Variants in RAD54L2 observed in about 807,000 individuals in gnomAD.
RAD54L2 encodes helicase ARIP4.
In RAD54L2, 27 loss-of-function variants were observed where a neutral mutation model predicts 138.4. The observed-to-expected ratio is 0.20, with a 90% CI of 0.14 to 0.27. The LOEUF (loss-of-function observed/expected upper bound fraction) is 0.27. RAD54L2 is among the 10% of genes least tolerant of loss of function. The probability of loss-of-function intolerance (pLI) is 1.00; values close to 1 mark genes in which losing one functional copy is unlikely to be tolerated. For missense variants in RAD54L2, 1,396 were observed against 1,890.2 expected (o/e 0.74, Z 4.85); for synonymous variants, 644 against 723.2 (o/e 0.89, Z 1.76).
At chr3:51,564,113 A>C (rs1300584432) in intron 2 of RAD54L2, among the ~76,000 whole-genome samples, 1 of 152,152 alleles carries the variant, frequency 6.6e-6, no homozygotes, top group Non-Finnish European at 1.5e-5. Flanking sequence ...AACCCTTCTC[A>C]AGGGTTTGAG....
intron 2 of RAD54L2, among the ~76,000 whole-genome samples, chr3:51,574,017 C>T (rs1369057967): frequency 7.8e-6 from 1 of 128,388 alleles, no homozygotes. Flanking sequence ...CACAATAGGC[C>T]CCGGTGTTTG....
chr3:51,550,011 C>CACAACT (rs1698798435), intron 2 of RAD54L2, among the ~76,000 whole-genome samples: 1 of 152,128 alleles, frequency 6.6e-6, no homozygotes, highest in Non-Finnish European at 1.5e-5. Flanking sequence ...TGTGCCCTGC[C>CACAACT]GGCTATGCTA....
intron 3 of RAD54L2, among the ~76,000 whole-genome samples, chr3:51,602,299 G>GA (rs1344218740): frequency 6.6e-6 from 1 of 152,084 alleles, no homozygotes; most frequent in East Asian, 1.9e-4. Flanking sequence ...ACATCATGGG[G>GA]AAAAAATGGA....
chr3:51,566,716 G>A (rs948889504), intron 2 of RAD54L2, among the ~76,000 whole-genome samples: 2 of 151,896 alleles, frequency 1.3e-5, no homozygotes, highest in Non-Finnish European at 2.9e-5. Flanking sequence ...TTCAGTTTGT[G>A]AGTAAGGCTT....
chr3:51,584,578 G>A (rs534408282), intron 2 of RAD54L2, among the ~76,000 whole-genome samples: 1 of 150,502 alleles, frequency 6.6e-6, no homozygotes, highest in African/African-American at 2.4e-5. Context: ...CAGACTGGAA[G>A]AATTCTGTGG....
intron 2 of RAD54L2, among the ~76,000 whole-genome samples, chr3:51,569,963 G>C (rs1002242202): frequency 1.3e-5 from 2 of 151,516 alleles, no homozygotes; most frequent in African/African-American, 4.9e-5. Context: ...TTCCTGAGTA[G>C]CTGGGTCTAC....
intron 3 of RAD54L2, among the ~76,000 whole-genome samples, chr3:51,625,026 C>A (rs1262197773): frequency 6.6e-6 from 1 of 152,174 alleles, no homozygotes; most frequent in Non-Finnish European, 1.5e-5. Flanking sequence ...TTCATCAAGA[C>A]TTAATGACAG....
At chr3:51,661,961 C>T (rs750527099) in intron 22 of RAD54L2, among the ~76,000 whole-genome samples, 12 of 152,126 alleles carry the variant, frequency 7.9e-5, no homozygotes, top group Non-Finnish European at 1.5e-4. Flanking sequence ...ATAAAATTAC[C>T]TAGTATTCCA....
intron 2 of RAD54L2, among the ~76,000 whole-genome samples, chr3:51,556,023 A>C (rs1698956054): frequency 6.6e-6 from 1 of 152,144 alleles, no homozygotes; most frequent in Admixed American, 6.5e-5. Context: ...GTTCCAATTG[A>C]ATTTTATCTA....
Position 51,646,338 on chromosome 3 carries a change from C to T in RAD54L2, c.2883C>T (p.Thr961=). 1 of 1,608,650 alleles carries T rather than the reference C, an allele frequency of 6.2e-7. No individual in the cohort carries two copies. The highest frequency in any genetic ancestry group is 8.5e-7 in the Non-Finnish European group (1 of 1,177,622). ...LLLNRKDHKL[T]KAEKKAAKKS... ...TGAACCGAAAGGATCACAAGCTAAC[C>T]AAGGCTGAGAAAAAAGCAGCAAAGA... The change falls in exon 19 of 23, where the codon ACC becomes ACT. Residue 961 remains threonine (T), a synonymous_variant. Coordinates refer to ENST00000684192, the MANE Select transcript of RAD54L2 (RefSeq NM_015106.4).
At chr3:51,629,280 A>G in intron 4 of RAD54L2, 54 bp from the exon 5 acceptor site, 1 of 1,533,658 alleles carries the variant, frequency 6.5e-7, no homozygotes, top group Non-Finnish European at 8.8e-7. Context: ...GCTTGCCATT[A>G]CATTGCCCAA....
chr3:51,623,158 T>A (rs749901865), intron 3 of RAD54L2, among the ~76,000 whole-genome samples: 7 of 152,190 alleles, frequency 4.6e-5, no homozygotes, highest in Admixed American at 6.5e-5. Context: ...TAGTCTCACG[T>A]GGAGAGGTTT....
chr3:51,667,594 G>A lies in RAD54L2; in HGVS notation c.*4174G>A, dbSNP rs1322972436. The A allele has an allele frequency of 6.6e-6, 1 of 152,284 alleles. No homozygotes were observed. The highest frequency in any genetic ancestry group is 2.4e-5 in the African/African-American group (1 of 41,430). 9.4% of individuals were successfully genotyped at this position (152,284 alleles called of 1,614,324 possible). The stretch of plus-strand genomic sequence containing the variant: ...TTCCCCAAAAGGACCCCTGGGAGAT[G>A]TTCTGGCCCTCTGCTGACTACTCCC... On this transcript the variant is annotated 3_prime_UTR_variant, in exon 23 of 23. Transcript: ENST00000684192.
At chr3:51,553,421 A>G (rs1245150945) in intron 2 of RAD54L2, among the ~76,000 whole-genome samples, 3 of 152,226 alleles carry the variant, frequency 2.0e-5, no homozygotes, top group Non-Finnish European at 4.4e-5. Context: ...CACATACTGT[A>G]TACAGGCATG....
At chr3:51,560,362 C>CTTT (rs61485263) in intron 2 of RAD54L2, among the ~76,000 whole-genome samples, 5 of 138,708 alleles carry the variant, frequency 3.6e-5, no homozygotes, top group Non-Finnish European at 7.8e-5. Context: ...TCTTTTTTTT[C>CTTT]TTTTTTTTTT....
chr3:51,617,337 G>A (rs1700467671), intron 3 of RAD54L2, among the ~76,000 whole-genome samples: 1 of 152,158 alleles, frequency 6.6e-6, no homozygotes, highest in Non-Finnish European at 1.5e-5. Flanking sequence ...CTTTACTCCT[G>A]CCAGCAGTGT....
At chr3:51,585,583 C>G (rs1251398749) in intron 2 of RAD54L2, among the ~76,000 whole-genome samples, 3 of 152,172 alleles carry the variant, frequency 2.0e-5, no homozygotes, top group Non-Finnish European at 4.4e-5. Flanking sequence ...AGGTACCACT[C>G]TATTGACAGG....
chr3:51,655,942 CTT>C (rs1432348097), intron 19 of RAD54L2, 27 bp from the exon 20 acceptor site: 2 of 1,569,738 alleles, frequency 1.3e-6, no homozygotes, highest in East Asian at 2.3e-5. Flanking sequence ...CTGCCAAACT[CTT>C]TTAGTGTCCT....
intron 3 of RAD54L2, among the ~76,000 whole-genome samples, chr3:51,620,959 G>A (rs1700557085): frequency 6.6e-6 from 1 of 151,538 alleles, no homozygotes; most frequent in African/African-American, 2.4e-5. Flanking sequence ...GCTATTTTTT[G>A]GAAGTTACAT....
Sources: allele counts gnomAD v4.1 joint callset (sites outside exome capture counted in the v4.1 genomes callset), GRCh38; gene constraint gnomAD v4.1.1; transcripts MANE v1.5; gene names NCBI Gene and HGNC (gene_info 2026-07-23, HGNC 2026-07-21).